BRWD3: variants seen among roughly 807,000 people sequenced by gnomAD.
BRWD3 encodes the protein bromodomain and WD repeat-containing protein 3.
A neutral mutation model predicts 149.7 loss-of-function variants in BRWD3; 10 were observed. The ratio of observed to expected loss-of-function variants is 0.07; its 90% CI spans 0.04 to 0.11. The LOEUF is 0.11. Among genes scored for constraint, BRWD3 ranks in the 10% least tolerant of loss-of-function variants. The probability of loss-of-function intolerance (pLI) is 1.00; values close to 1 mark genes in which losing one functional copy is unlikely to be tolerated. For synonymous variants in BRWD3, 504 were observed against 456.7 expected, an observed-to-expected ratio of 1.10 and a Z score of -1.32; for missense variants, 940 against 1,373.2, an observed-to-expected ratio of 0.68 and a Z score of 4.99.
Position 80,676,946 on chromosome X carries a change from C to A in BRWD3, c.5072G>T (p.Gly1691Val). The A allele has an allele frequency of 1.7e-6, 2 of 1,200,674 alleles. No individual in the cohort carries two copies. Among genetic ancestry groups the A allele is most frequent in the Non-Finnish European group, 1.1e-6 (1 of 885,901 alleles). ...RWSRGGRGRG[G>V]RGRGSRGRGG... is the part of the protein sequence containing the mutation. Reference sequence around the variant, plus strand: ...TCTTCCTCGACTCCCTCGTCCCCTGCCTCCTCTTCCTCTGCCTCCTCTACT... The same window carrying A: ...TCTTCCTCGACTCCCTCGTCCCCTGACTCCTCTTCCTCTGCCTCCTCTACT... Residue 1691 changes from glycine (G) to valine (V), a missense_variant, in exon 41 of 41, where the codon GGC becomes GTC. Around this residue, in one of 6 missense-constraint regions of BRWD3, gnomAD observed 349 missense variants for 419.6 expected, o/e 0.83. Transcript: ENST00000373275.
chrX:80,777,387 GTATTAT>G (rs2074010847), intron 6 of BRWD3, among the ~76,000 whole-genome samples: 1 of 110,505 alleles, frequency 9.0e-6, no homozygotes, highest in Non-Finnish European at 1.9e-5. Context: ...CAAATTAGTG[GTATTAT>G]TATTATTTTT....
chrX:80,801,518 G>A (rs2074297619), intron 4 of BRWD3, among the ~76,000 whole-genome samples: 1 of 108,976 alleles, frequency 9.2e-6, no homozygotes, highest in Non-Finnish European at 1.9e-5. Context: ...GCCCGGACGA[G>A]AAAACATTTT....
chrX:80,727,208 T>C (rs935372930), intron 14 of BRWD3, among the ~76,000 whole-genome samples: 6 of 111,318 alleles, frequency 5.4e-5, no homozygotes, highest in Admixed American at 2.9e-4. Flanking sequence ...CTGGCTACTA[T>C]CAGACTCCTA....
chrX:80,802,132 T>C (rs2074304004), intron 4 of BRWD3, among the ~76,000 whole-genome samples: 2 of 111,975 alleles, frequency 1.8e-5, no homozygotes, highest in South Asian at 3.7e-4. Flanking sequence ...CTGTTTTATA[T>C]GCCCCTTACT....
At chrX:80,803,018 C>T (rs1372534177) in intron 4 of BRWD3, among the ~76,000 whole-genome samples, 1 of 103,258 alleles carries the variant, frequency 9.7e-6, no homozygotes, top group Non-Finnish European at 1.9e-5. Flanking sequence ...AGGAGAATGG[C>T]GTGAACCCGG....
intron 6 of BRWD3, among the ~76,000 whole-genome samples, chrX:80,746,515 C>T (rs1191559376): frequency 9.0e-6 from 1 of 111,129 alleles, no homozygotes; most frequent in Non-Finnish European, 1.9e-5. Flanking sequence ...AAAAACAAAT[C>T]TTGATCTCTA....
rs1215818305 is a variant in BRWD3 at position 80,673,165 on chromosome X, A to G, written c.*3444T>C. The G allele has an allele frequency of 8.9e-6, 1 of 112,108 alleles. No individual in the cohort carries two copies. Among genetic ancestry groups the G allele is most frequent in the East Asian group, 2.8e-4 (1 of 3,566 alleles). 9.2% of individuals were successfully genotyped at this position (112,108 alleles called of 1,213,427 possible). ...AAGGCTGAGTTAAATATCTGAGCGC[A>G]CAGTTGTGCAGAATGAGATTTCTAA... On this transcript the variant is annotated 3_prime_UTR_variant, in exon 41 of 41. Coordinates refer to ENST00000373275, the MANE Select transcript of BRWD3 (RefSeq NM_153252.5).
chrX:80,770,884 G>C (rs772401163), intron 6 of BRWD3, among the ~76,000 whole-genome samples: 3 of 112,013 alleles, frequency 2.7e-5, no homozygotes, highest in Non-Finnish European at 5.6e-5. Context: ...TCCTGAAGCT[G>C]ATAAGCAACT....
At chrX:80,712,349 C>T (rs1602337294) in intron 20 of BRWD3, among the ~76,000 whole-genome samples, 1 of 110,859 alleles carries the variant, frequency 9.0e-6, no homozygotes, top group East Asian at 2.9e-4. Context: ...CGGGGTTTCG[C>T]TGTGTTGGCC....
intron 14 of BRWD3, among the ~76,000 whole-genome samples, chrX:80,726,221 T>C (rs2073239658): frequency 2.0e-5 from 2 of 97,964 alleles, no homozygotes; most frequent in African/African-American, 6.9e-5. Context: ...CTGTATAACA[T>C]ATAACACGTT....
At chrX:80,726,850 A>G (rs961107199) in intron 14 of BRWD3, among the ~76,000 whole-genome samples, 1 of 110,927 alleles carries the variant, frequency 9.0e-6, no homozygotes, top group African/African-American at 3.3e-5. Context: ...AGAAAAAGTT[A>G]TTTCTTTGTT....
intron 6 of BRWD3, among the ~76,000 whole-genome samples, chrX:80,748,493 A>G (rs1357021362): frequency 3.6e-5 from 4 of 112,263 alleles, no homozygotes; most frequent in Non-Finnish European, 5.6e-5. Context: ...GTTTGGTAGA[A>G]TTCAACAGAA....
At chrX:80,740,911 TTC>T (rs2073479790) in intron 8 of BRWD3, among the ~76,000 whole-genome samples, 1 of 102,576 alleles carries the variant, frequency 9.7e-6, no homozygotes, top group Non-Finnish European at 2.1e-5. Context: ...CCTGTTTATA[TTC>T]TTTTTTTAAA....
Position 80,752,763 on chromosome X carries a change from A to C in BRWD3, c.431-7034T>G, listed in dbSNP as rs369368128. On this transcript the variant is annotated intron_variant, in intron 6 of 40. Transcript: ENST00000373275. Reference sequence around the variant, plus strand: ...CAGCTCACTGCAACCTCCACCTCCCAGGTTCAGGCTCCTGCCTTAGCCTCC... The same window carrying C: ...CAGCTCACTGCAACCTCCACCTCCCCGGTTCAGGCTCCTGCCTTAGCCTCC... Among the ~76,000 whole-genome samples, 381 of 111,160 alleles carry C rather than the reference A, an allele frequency of 3.4e-3. 3 individuals are homozygous for C. Among genetic ancestry groups the C allele is most frequent in the African/African-American group, 0.012 (360 of 30,556 alleles).
chrX:80,682,392 T>C, intron 38 of BRWD3, 73 bp downstream of exon 38: 1 of 1,120,923 alleles, frequency 8.9e-7, no homozygotes, highest in Non-Finnish European at 1.2e-6. Context: ...AAATTATTCA[T>C]AAACTTTCAC....
intron 26 of BRWD3, 57 bp from the exon 27 acceptor site, chrX:80,696,047 C>T: frequency 1.0e-6 from 1 of 998,705 alleles, no homozygotes; most frequent in Non-Finnish European, 1.4e-6. Flanking sequence ...ATATATGTTA[C>T]TAAATGTCCA....
intron 19 of BRWD3, chrX:80,717,291 A>G: frequency 3.2e-6 from 1 of 313,573 alleles, no homozygotes; most frequent in Non-Finnish European, 5.6e-6. Context: ...AGACCTCATG[A>G]GTTCTTAATA....
At chrX:80,773,490 GTA>G in intron 6 of BRWD3, among the ~76,000 whole-genome samples, 1 of 111,274 alleles carries the variant, frequency 9.0e-6, no homozygotes. Flanking sequence ...CCTTACTATG[GTA>G]TATCTTATAT....
intron 6 of BRWD3, among the ~76,000 whole-genome samples, chrX:80,763,913 A>G (rs760542403): frequency 8.9e-6 from 1 of 112,166 alleles, no homozygotes; most frequent in African/African-American, 3.2e-5. Flanking sequence ...AATATAGAAA[A>G]CAATCTTTAC....
Sources: allele counts gnomAD v4.1 joint callset (sites outside exome capture counted in the v4.1 genomes callset), GRCh38; gene constraint gnomAD v4.1.1; regional missense constraint gnomAD v4.1.1; transcripts MANE v1.5; gene names NCBI Gene and HGNC (gene_info 2026-07-23, HGNC 2026-07-21).